The following SPINK5 variants were observed in gnomAD, a reference collection of about 807,000 sequenced individuals.
SPINK5 encodes the protein serine peptidase inhibitor Kazal type 5.
Under a neutral mutation model 151.8 loss-of-function variants are expected in SPINK5, and 125 were observed. The ratio of observed to expected loss-of-function variants is 0.82; its 90% CI spans 0.71 to 0.96. The LOEUF (loss-of-function observed/expected upper bound fraction) is 0.96. SPINK5 is among the 40% of genes least tolerant of loss of function. The pLI is 0.00. For synonymous variants in SPINK5, 374 were observed against 395.3 expected (o/e 0.95, Z 0.64); for missense variants, 1,194 against 1,291.9 (o/e 0.92, Z 1.16).
At chr5:148,119,246 T>A (rs1754187617) in intron 24 of SPINK5, among the ~76,000 whole-genome samples, 188 bp downstream of exon 24, 1 of 152,186 alleles carries the variant, frequency 6.6e-6, no homozygotes. Context: ...CAAGTGGACA[T>A]CTTTAAGTCT....
Position 148,124,748 on chromosome 5 carries a change from T to TC in SPINK5, c.2667-17_2667-16insC. 6.5e-7 allele frequency: 1 copy of TC among 1,549,860 alleles called. No homozygotes were observed. Among genetic ancestry groups the TC allele is most frequent in the Non-Finnish European group, 8.7e-7 (1 of 1,150,400 alleles). ...CCTTGAAAAATTACCCTATCTTTTT[T>TC]TTTAATTATTCTGCAGTGATCGAGA... On this transcript the variant is annotated splice_polypyrimidine_tract_variant and intron_variant, in intron 27 of 32. Transcript: ENST00000256084.
intron 24 of SPINK5, among the ~76,000 whole-genome samples, chr5:148,119,342 G>T (rs1265454446): frequency 6.6e-6 from 1 of 152,054 alleles, no homozygotes; most frequent in South Asian, 2.1e-4. Flanking sequence ...ACCTTATTTC[G>T]TAGATAGGGA....
In SPINK5 at chr5:148,137,068, C is replaced by CAAAG; in HGVS notation, c.*80_*83dup. The CAAAG allele has an allele frequency of 6.4e-7, 1 of 1,566,460 alleles. No individual in the cohort carries two copies. The highest frequency in any genetic ancestry group is 8.8e-7 in the Non-Finnish European group (1 of 1,137,434). ...CACCTACCTTCACCATCTGTATATA[C>CAAAG]AAAGAATTCTTCGGAGCTTGTCTTA... is the stretch of plus-strand genomic sequence containing the variant. On this transcript the variant is annotated 3_prime_UTR_variant, in exon 33 of 33. Coordinates refer to ENST00000256084, the MANE Select transcript of SPINK5 (RefSeq NM_006846.4).
chr5:148,067,736 T>C (rs975214982), intron 2 of SPINK5, among the ~76,000 whole-genome samples: 2 of 152,180 alleles, frequency 1.3e-5, no homozygotes, highest in African/African-American at 4.8e-5. Flanking sequence ...AACAGTGATA[T>C]TGGAGAAGTC....
intron 2 of SPINK5, among the ~76,000 whole-genome samples, chr5:148,069,934 T>C (rs1317225267): frequency 6.6e-6 from 1 of 152,102 alleles, no homozygotes; most frequent in Non-Finnish European, 1.5e-5. Flanking sequence ...TAGGCAGACA[T>C]TTTATAATGT....
At chr5:148,112,643 A>G (rs569923425) in intron 19 of SPINK5, among the ~76,000 whole-genome samples, 1 of 152,018 alleles carries the variant, frequency 6.6e-6, no homozygotes, top group Non-Finnish European at 1.5e-5. Context: ...ACTGCACTCC[A>G]GCCTGGCAAC....
At chr5:148,073,818 A>T (rs894876366) in intron 4 of SPINK5, among the ~76,000 whole-genome samples, 3 of 39,544 alleles carry the variant, frequency 7.6e-5, no homozygotes, top group East Asian at 1.1e-3. Flanking sequence ...CCTGAGTCAC[A>T]CACACACACA....
intron 18 of SPINK5, among the ~76,000 whole-genome samples, chr5:148,109,994 A>T (rs78730727): frequency 0.027 from 4,178 of 152,270 alleles, 95 homozygotes; most frequent in Non-Finnish European, 0.042. Flanking sequence ...CCAAGCATTG[A>T]TTCATGGCTT....
chr5:148,104,941 G>A lies in SPINK5; in HGVS notation c.1431-11G>A. On this transcript the variant is annotated splice_polypyrimidine_tract_variant and intron_variant, in intron 15 of 32. Coordinates refer to ENST00000256084, the MANE Select transcript of SPINK5 (RefSeq NM_006846.4). ...CATTTCTTCTCTCTTTTTCTTTTCG[G>A]TTTCTTAAAGTCAACAAGAAGAAAG... 6.2e-7 allele frequency: 1 copy of A among 1,608,038 alleles called. No homozygotes were observed. Among genetic ancestry groups the A allele is most frequent in the Non-Finnish European group, 8.5e-7 (1 of 1,177,700 alleles).
intron 18 of SPINK5, among the ~76,000 whole-genome samples, chr5:148,110,338 A>G (rs548140555): frequency 1.3e-5 from 2 of 152,166 alleles, no homozygotes; most frequent in African/African-American, 4.8e-5. Context: ...CAATTCTTCA[A>G]CATACAATGA....
intron 13 of SPINK5, among the ~76,000 whole-genome samples, chr5:148,100,862 A>T (rs1034472960): frequency 1.3e-5 from 2 of 152,186 alleles, no homozygotes; most frequent in Non-Finnish European, 2.9e-5. Flanking sequence ...CTCCGTGAAT[A>T]AAAGTGAGGC....
chr5:148,099,908 A>T (rs533421673), intron 12 of SPINK5, among the ~76,000 whole-genome samples: 8 of 152,264 alleles, frequency 5.3e-5, no homozygotes, highest in African/African-American at 1.9e-4. Flanking sequence ...TCATCATCAT[A>T]TACAGGATAT....
intron 2 of SPINK5, among the ~76,000 whole-genome samples, chr5:148,067,250 A>G (rs1490025008): frequency 6.6e-6 from 1 of 152,202 alleles, no homozygotes; most frequent in African/African-American, 2.4e-5. Context: ...TGGACAATAG[A>G]AGACAACAAA....
At chr5:148,101,459 C>T (rs765259770) in intron 14 of SPINK5, 23 bp downstream of exon 14, 2 of 1,546,502 alleles carry the variant, frequency 1.3e-6, no homozygotes, top group South Asian at 2.2e-5. Flanking sequence ...CCTCCAGCAA[C>T]TCAGAGGGAT....
intron 21 of SPINK5, among the ~76,000 whole-genome samples, chr5:148,116,011 A>T (rs1272920529): frequency 6.6e-6 from 1 of 151,836 alleles, no homozygotes; most frequent in Non-Finnish European, 1.5e-5. Context: ...TAGTAGAGAC[A>T]GTGTTTTGCC....
At chr5:148,089,707 T>G in intron 7 of SPINK5, 86 bp downstream of exon 7, 1 of 1,593,760 alleles carries the variant, frequency 6.3e-7, no homozygotes, top group Non-Finnish European at 8.6e-7. Flanking sequence ...ATAAAATCCT[T>G]TTCATGAAGC....
At chr5:148,129,089 T>A (rs921443245) in intron 30 of SPINK5, among the ~76,000 whole-genome samples, 1 of 152,142 alleles carries the variant, frequency 6.6e-6, no homozygotes, top group Non-Finnish European at 1.5e-5. Flanking sequence ...GGGTATTGAT[T>A]CTGTAGGTAT....
At chr5:148,125,540 T>C in intron 28 of SPINK5, 183 bp from the exon 29 acceptor site, 1 of 1,613,810 alleles carries the variant, frequency 6.2e-7, no homozygotes, top group Non-Finnish European at 8.5e-7. Flanking sequence ...TGCAGACAGG[T>C]TCAGAATGAA....
At chr5:148,090,134 C>T (rs548399737) in intron 7 of SPINK5, among the ~76,000 whole-genome samples, 1 of 151,992 alleles carries the variant, frequency 6.6e-6, no homozygotes, top group African/African-American at 2.4e-5. Flanking sequence ...ATCTGAGTGC[C>T]TGGCAGTGCT....
Sources: allele counts gnomAD v4.1 joint callset (sites outside exome capture counted in the v4.1 genomes callset), GRCh38; gene constraint gnomAD v4.1.1; transcripts MANE v1.5; gene names NCBI Gene and HGNC (gene_info 2026-07-23, HGNC 2026-07-21).